The following MKLN1 variants were observed in gnomAD, a reference collection of about 807,000 sequenced individuals.
MKLN1 encodes the protein muskelin.
MKLN1 carries 18 observed loss-of-function variants against 99.0 expected under a neutral mutation model. The ratio of observed to expected loss-of-function variants is 0.18; its 90% CI spans 0.13 to 0.27. The LOEUF (loss-of-function observed/expected upper bound fraction) is 0.27, where lower values mean the gene tolerates loss of function less well. Ranked by LOEUF, MKLN1 falls within the 10% of genes least tolerant of loss-of-function variation. The pLI is 1.00. For synonymous variants in MKLN1, 288 were observed against 293.2 expected, an observed-to-expected ratio of 0.98 and a Z score of 0.18; for missense variants, 621 against 875.9, an observed-to-expected ratio of 0.71 and a Z score of 3.67.
chr7:131,185,199 G>A (rs116348328), intron 2 of MKLN1, among the ~76,000 whole-genome samples: 2,377 of 152,160 alleles, frequency 0.016, 68 homozygotes, highest in African/African-American at 0.055. Context: ...GAGCAGCTGC[G>A]AACACAATTC....
At chr7:131,408,541 CT>C (rs1269069570) in intron 6 of MKLN1, among the ~76,000 whole-genome samples, 2 of 152,022 alleles carry the variant, frequency 1.3e-5, no homozygotes, top group African/African-American at 4.8e-5. Flanking sequence ...GTTTTGTTTT[CT>C]TTTTAATTCT....
At chr7:131,144,314 T>TA (rs879335494) in intron 2 of MKLN1, among the ~76,000 whole-genome samples, 21 of 149,026 alleles carry the variant, frequency 1.4e-4, no homozygotes, top group East Asian at 2.0e-4. Flanking sequence ...CCGTCTCTAC[T>TA]AAAAAAAAAT....
At chr7:131,118,572 A>C (rs938515042) in intron 1 of MKLN1, among the ~76,000 whole-genome samples, 2 of 151,952 alleles carry the variant, frequency 1.3e-5, no homozygotes, top group Non-Finnish European at 2.9e-5. Context: ...AAAAAGAAAG[A>C]AAGAAAAGAA....
rs1415350980 is a variant in MKLN1, at chr7:131,389,634, AT to A, written c.400+666del. 3.9e-5 allele frequency among the ~76,000 whole-genome samples: 6 copies of A among 152,180 alleles called. No homozygotes were observed. The East Asian group carries it at 5.8e-4, about 15-fold the overall frequency. ...CCTCAAAATTAGTATTTTTCAGGTG[AT>A]TTTGTTTCCTATAGGATTTATTATT... is the stretch of plus-strand genomic sequence containing the variant. On this transcript the variant is annotated intron_variant, in intron 4 of 17. Coordinates refer to ENST00000352689, the MANE Select transcript of MKLN1 (RefSeq NM_013255.5).
intron 3 of MKLN1, among the ~76,000 whole-genome samples, chr7:131,233,665 G>T (rs1038675650): frequency 7.9e-5 from 12 of 151,656 alleles, no homozygotes; most frequent in Non-Finnish European, 1.6e-4. Flanking sequence ...TTTACTCGTA[G>T]AATTATTAAA....
chr7:131,333,074 C>A (rs534381492), intron 1 of MKLN1, among the ~76,000 whole-genome samples: 1 of 152,234 alleles, frequency 6.6e-6, no homozygotes, highest in South Asian at 2.1e-4. Context: ...CAGGCGTGCA[C>A]CACCACGTCT....
At chr7:131,478,722 T>G in intron 17 of MKLN1, 45 bp downstream of exon 17, 3 of 1,604,230 alleles carry the variant, frequency 1.9e-6, no homozygotes, top group Non-Finnish European at 2.6e-6. Context: ...CCCTAGCATT[T>G]GGAAGGTTGG....
chr7:131,438,347 C>G (rs951870335), intron 10 of MKLN1, among the ~76,000 whole-genome samples: 3 of 151,380 alleles, frequency 2.0e-5, no homozygotes, highest in Admixed American at 6.6e-5. Flanking sequence ...TTCTACATTC[C>G]TGTGAGAAAT....
intron 3 of MKLN1, among the ~76,000 whole-genome samples, chr7:131,242,097 G>C (rs1334507653): frequency 6.6e-6 from 1 of 152,200 alleles, no homozygotes; most frequent in African/African-American, 2.4e-5. Context: ...AAACACCTAA[G>C]ATTAAATACA....
intron 3 of MKLN1, among the ~76,000 whole-genome samples, chr7:131,291,338 C>A (rs1041726152): frequency 6.6e-6 from 1 of 151,022 alleles, no homozygotes; most frequent in South Asian, 2.1e-4. Context: ...ATCATGTTGG[C>A]CAGGCTGGTC....
chr7:131,419,733 G>C (rs1331608587), intron 8 of MKLN1, among the ~76,000 whole-genome samples: 1 of 152,052 alleles, frequency 6.6e-6, no homozygotes, highest in Non-Finnish European at 1.5e-5. Flanking sequence ...TTTGTTGCTA[G>C]ATCAGAGGTA....
At chr7:131,156,256 G>A (rs1240636603) in intron 2 of MKLN1, among the ~76,000 whole-genome samples, 3 of 151,786 alleles carry the variant, frequency 2.0e-5, no homozygotes, top group Admixed American at 6.6e-5. Flanking sequence ...GACCAGGCGC[G>A]GTGGCTCACT....
At chr7:131,353,562 A>G (rs1454238272) in intron 1 of MKLN1, among the ~76,000 whole-genome samples, 1 of 152,074 alleles carries the variant, frequency 6.6e-6, no homozygotes, top group Non-Finnish European at 1.5e-5. Context: ...ACGTTCTCCC[A>G]GTCTTTAGCT....
chr7:131,128,006 G>T (rs1401042140), intron 1 of MKLN1, among the ~76,000 whole-genome samples: 3 of 152,206 alleles, frequency 2.0e-5, no homozygotes, highest in Non-Finnish European at 4.4e-5. Context: ...ATTCAGGGGA[G>T]AGTTGGAGCT....
intron 1 of MKLN1, among the ~76,000 whole-genome samples, chr7:131,337,459 T>C (rs1208985993): frequency 6.6e-6 from 1 of 152,160 alleles, no homozygotes; most frequent in African/African-American, 2.4e-5. Context: ...AGTTCACTTA[T>C]TCTGAATTTA....
intron 3 of MKLN1, among the ~76,000 whole-genome samples, chr7:131,216,778 C>T (rs140456418): frequency 1.6e-4 from 25 of 152,234 alleles, no homozygotes; most frequent in East Asian, 1.2e-3. Context: ...TTTCTGCACC[C>T]GAAAAAACTG....
intron 3 of MKLN1, among the ~76,000 whole-genome samples, chr7:131,287,672 G>A (rs1798153269): frequency 6.6e-6 from 1 of 151,894 alleles, no homozygotes; most frequent in Non-Finnish European, 1.5e-5. Context: ...GGAGGGGGAG[G>A]AGAATATCAT....
intron 2 of MKLN1, among the ~76,000 whole-genome samples, chr7:131,186,032 A>T (rs73149842): frequency 0.18 from 27,604 of 151,966 alleles, 2,902 homozygotes; most frequent in South Asian, 0.4. Context: ...CTTCACTAAA[A>T]AAAACAAAAA....
chr7:131,148,103 C>T (rs539927005), intron 2 of MKLN1, among the ~76,000 whole-genome samples: 14 of 152,192 alleles, frequency 9.2e-5, no homozygotes, highest in African/African-American at 3.4e-4. Flanking sequence ...GGCTGGAGTG[C>T]AGTGGCATAA....
Sources: allele counts gnomAD v4.1 joint callset (sites outside exome capture counted in the v4.1 genomes callset), GRCh38; gene constraint gnomAD v4.1.1; transcripts MANE v1.5; gene names NCBI Gene and HGNC (gene_info 2026-07-23, HGNC 2026-07-21).